Variants in DCC observed in about 807,000 individuals in gnomAD.
The protein encoded by DCC is DCC netrin 1 receptor, also known as netrin receptor DCC.
Under a neutral mutation model 172.5 loss-of-function variants are expected in DCC, and 58 were observed. The observed-to-expected ratio is 0.34, with a 90% CI of 0.27 to 0.42. DCC has a LOEUF of 0.42. Ranked by LOEUF, DCC falls within the 10% of genes least tolerant of loss-of-function variation. The pLI is 1.00. For missense variants in DCC, 1,740 were observed against 1,791.0 expected, an observed-to-expected ratio of 0.97 and a Z score of 0.51; for synonymous variants, 709 against 644.5, an observed-to-expected ratio of 1.10 and a Z score of -1.52.
intron 2 of DCC, among the ~76,000 whole-genome samples, chr18:52,812,834 G>A (rs549909820): frequency 2.0e-5 from 3 of 152,192 alleles, no homozygotes; most frequent in African/African-American, 7.2e-5. Context: ...ACTGAACACT[G>A]TTGGGCTGAG....
At position 53,428,015 on chromosome 18, in the gene DCC, A is replaced by T. The variant is rs1239234524; in HGVS notation, c.3164-7129A>T. Among the ~76,000 whole-genome samples, 2 of 73,040 alleles carry T rather than the reference A, an allele frequency of 2.7e-5. 1 individual carries two copies. The highest frequency in any genetic ancestry group is 9.5e-5 in the African/African-American group (2 of 21,114). 47.9% of individuals were successfully genotyped at this position (73,040 alleles called of 152,430 possible). On this transcript the variant is annotated intron_variant, in intron 21 of 28. Coordinates refer to ENST00000442544, the MANE Select transcript of DCC (RefSeq NM_005215.4). Reference sequence around the variant, plus strand: ...TTATAATAATATATAATATAATACTATAATAATATAGAATATATCATATAA... The same window carrying T: ...TTATAATAATATATAATATAATACTTTAATAATATAGAATATATCATATAA...
At chr18:52,851,358 G>A (rs940601079) in intron 2 of DCC, among the ~76,000 whole-genome samples, 9 of 152,022 alleles carry the variant, frequency 5.9e-5, no homozygotes, top group Admixed American at 3.3e-4. Context: ...GTCATAAAGC[G>A]AAAGAGTTTT....
At chr18:52,591,942 G>A (rs2033810832) in intron 1 of DCC, among the ~76,000 whole-genome samples, 1 of 151,890 alleles carries the variant, frequency 6.6e-6, no homozygotes, top group Admixed American at 6.6e-5. Flanking sequence ...AAGCTTCCGT[G>A]CCCAGCCTCC....
chr18:52,539,747 TAG>T (rs1455258154), intron 1 of DCC, among the ~76,000 whole-genome samples: 1 of 152,188 alleles, frequency 6.6e-6, no homozygotes, highest in Admixed American at 6.5e-5. Context: ...GAAAATTGCT[TAG>T]AGAGTAGACT....
intron 5 of DCC, among the ~76,000 whole-genome samples, chr18:53,017,387 A>G (rs1199338577): frequency 6.6e-6 from 1 of 152,156 alleles, no homozygotes; most frequent in East Asian, 1.9e-4. Context: ...TTAAGCAAGA[A>G]ATGTCTTTCT....
intron 5 of DCC, among the ~76,000 whole-genome samples, chr18:52,961,623 T>C (rs549139795): frequency 4.9e-4 from 75 of 152,292 alleles, no homozygotes; most frequent in African/African-American, 1.7e-3. Flanking sequence ...CCTGCACAAA[T>C]ACATTGATGC....
intron 5 of DCC, among the ~76,000 whole-genome samples, chr18:52,986,883 T>C (rs1568229017): frequency 6.6e-6 from 1 of 151,554 alleles, no homozygotes; most frequent in Non-Finnish European, 1.5e-5. Flanking sequence ...TGCGCAGTGG[T>C]GTGATCTCAG....
At chr18:53,143,479 C>T (rs779373352) in intron 7 of DCC, among the ~76,000 whole-genome samples, 3 of 152,186 alleles carry the variant, frequency 2.0e-5, no homozygotes, top group African/African-American at 7.2e-5. Context: ...AGATAGTTTA[C>T]GTGTTTGGCT....
intron 5 of DCC, among the ~76,000 whole-genome samples, chr18:53,045,049 A>G (rs7505556): frequency 0.61 from 91,767 of 151,656 alleles, 28,504 homozygotes; most frequent in African/African-American, 0.65. Flanking sequence ...ATGAAAATAT[A>G]CCAGGGATAT....
Position 52,566,806 on chromosome 18 carries a change from A to G in DCC, c.92-185248A>G, listed in dbSNP as rs183482645. Among the ~76,000 whole-genome samples, 315 of 152,046 alleles carry G rather than the reference A, an allele frequency of 2.1e-3. 2 individuals are homozygous for G. Among genetic ancestry groups the G allele is most frequent in the African/African-American group, 7.2e-3 (298 of 41,386 alleles). ...AGCTCCCTGTGCAGGGCAAAGTAAA[A>G]TGGTTTATTTGGGCTTGCCATTAAT... On this transcript the variant is annotated intron_variant, in intron 1 of 28. Transcript: ENST00000442544.
intron 2 of DCC, among the ~76,000 whole-genome samples, chr18:52,853,880 G>T (rs1175513079): frequency 6.6e-6 from 1 of 152,180 alleles, no homozygotes; most frequent in Non-Finnish European, 1.5e-5. Context: ...AGGAGTCCCA[G>T]CCTTCAGGGT....
intron 1 of DCC, among the ~76,000 whole-genome samples, chr18:52,625,535 T>C (rs956948404): frequency 8.5e-5 from 13 of 152,116 alleles, no homozygotes; most frequent in Non-Finnish European, 5.9e-5. Flanking sequence ...CACTCCCTCT[T>C]TCCTACTTCA....
At chr18:52,521,599 C>T (rs1253549425) in intron 1 of DCC, among the ~76,000 whole-genome samples, 1 of 152,042 alleles carries the variant, frequency 6.6e-6, no homozygotes, top group Non-Finnish European at 1.5e-5. Flanking sequence ...GGGATATCAA[C>T]ATTCAGTCTA....
chr18:52,896,770 G>T (rs1162781088), intron 2 of DCC, among the ~76,000 whole-genome samples: 3 of 152,116 alleles, frequency 2.0e-5, no homozygotes, highest in African/African-American at 7.2e-5. Context: ...TCTGATTGTT[G>T]ATACTGAAAT....
chr18:52,829,657 A>G (rs2038577150), intron 2 of DCC, among the ~76,000 whole-genome samples: 1 of 151,870 alleles, frequency 6.6e-6, no homozygotes, highest in South Asian at 2.1e-4. Flanking sequence ...TTTAAAAAGC[A>G]TGTGTGAGAT....
At chr18:52,377,644 T>A (rs902256198) in intron 1 of DCC, among the ~76,000 whole-genome samples, 3 of 151,042 alleles carry the variant, frequency 2.0e-5, no homozygotes, top group Non-Finnish European at 4.4e-5. Context: ...CATTTTTTTT[T>A]ATAGGAACTG....
At chr18:53,155,611 A>C (rs754331807) in intron 7 of DCC, among the ~76,000 whole-genome samples, 1 of 152,210 alleles carries the variant, frequency 6.6e-6, no homozygotes, top group Non-Finnish European at 1.5e-5. Flanking sequence ...AATAATTCAG[A>C]GTTGTTCTTA....
At chr18:52,945,521 T>G (rs548934279) in intron 5 of DCC, among the ~76,000 whole-genome samples, 3 of 152,240 alleles carry the variant, frequency 2.0e-5, no homozygotes, top group Non-Finnish European at 4.4e-5. Flanking sequence ...TTTCATTATT[T>G]CTATTATTGC....
rs1342122209 is a variant in DCC, at chr18:52,610,164, AAAAAAAAAAAAAAAATATATAT to A, written c.92-141888_92-141867del. On this transcript the variant is annotated intron_variant, in intron 1 of 28. Transcript: ENST00000442544. The stretch of plus-strand genomic sequence containing the variant: ...CCCCATCTCTCATAAAAAAAAAAAA[AAAAAAAAAAAAAAAATATATAT>A]ATATATATATATATATATATATATA... 1.8e-3 allele frequency among the ~76,000 whole-genome samples: 41 copies of A among 22,356 alleles called. 1 individual carries two copies. The highest frequency in any genetic ancestry group is 2.2e-3 in the South Asian group (1 of 452). The allele number at this position is 22,356 out of a possible 152,430, so 14.7% of individuals were successfully genotyped here.
Sources: allele counts gnomAD v4.1 joint callset (sites outside exome capture counted in the v4.1 genomes callset), GRCh38; gene constraint gnomAD v4.1.1; transcripts MANE v1.5; gene names NCBI Gene and HGNC (gene_info 2026-07-23, HGNC 2026-07-21).